FAM171A1: variants seen among roughly 807,000 people sequenced by gnomAD.
The protein encoded by FAM171A1 is protein FAM171A1.
FAM171A1 carries 23 observed loss-of-function variants against 74.9 expected under a neutral mutation model. The observed-to-expected ratio is 0.31, with a 90% CI of 0.22 to 0.44. The LOEUF is 0.44. Ranked by LOEUF, FAM171A1 falls within the 20% of genes least tolerant of loss-of-function variation. The pLI, the probability that FAM171A1 is intolerant of heterozygous loss-of-function variation, is 1.00. For synonymous variants in FAM171A1, 527 were observed against 505.7 expected (o/e 1.04, Z -0.57); for missense variants, 1,162 against 1,159.2 (o/e 1.00, Z -0.03).
chr10:15,214,309 A>G lies in FAM171A1; in HGVS notation c.1279T>C (p.Ser427Pro), dbSNP rs148056144. 123 of 1,612,894 alleles carry G rather than the reference A, an allele frequency of 7.6e-5. No homozygotes were observed. Among genetic ancestry groups the G allele is most frequent in the Non-Finnish European group, 1.0e-4 (121 of 1,179,612 alleles). Residue 427 changes from serine (S) to proline (P), a missense_variant, in exon 8 of 8, where the codon TCC becomes CCC. By Grantham distance (74) the Ser-to-Pro change is moderately conservative. Coordinates refer to ENST00000378116, the MANE Select transcript of FAM171A1 (RefSeq NM_001010924.2). ...TTGCAAGAGAGGAGCTCCTCCCGGG[A>G]GCTAAATTCCTGGGAGGTGCTGTAG... is the stretch of plus-strand genomic sequence containing the variant. ...LSYSTSQEFSSREELLSCKEE... is the reference protein window; with the variant it reads ...LSYSTSQEFSPREELLSCKEE...
At chr10:15,271,180 A>G (rs1048857927) in intron 3 of FAM171A1, among the ~76,000 whole-genome samples, 3 of 152,218 alleles carry the variant, frequency 2.0e-5, no homozygotes, top group African/African-American at 7.2e-5. Flanking sequence ...CAGCGTAGAG[A>G]AGACCTTAAA....
intron 5 of FAM171A1, among the ~76,000 whole-genome samples, chr10:15,224,690 C>T (rs1041453486): frequency 2.0e-5 from 3 of 152,280 alleles, no homozygotes; most frequent in South Asian, 4.2e-4. Context: ...CTCTTGCCTG[C>T]CACCATGTAA....
chr10:15,292,657 A>G (rs1328504697), intron 1 of FAM171A1, among the ~76,000 whole-genome samples: 3 of 151,882 alleles, frequency 2.0e-5, no homozygotes, highest in African/African-American at 4.8e-5. Flanking sequence ...CTAACTTTTT[A>G]TATTTTTAGC....
rs75497375 is a variant in FAM171A1 at position 15,260,489 on chromosome 10, G to A, written c.419-5610C>T. On this transcript the variant is annotated intron_variant, in intron 3 of 7. Coordinates refer to ENST00000378116, the MANE Select transcript of FAM171A1 (RefSeq NM_001010924.2). The stretch of plus-strand genomic sequence containing the variant: ...TCATAATATGGCTGTTGTGATGTTG[G>A]TTCAGAACACATATGGATGGTGTCC... Among the ~76,000 whole-genome samples, 382 of 152,200 alleles carry A rather than the reference G, an allele frequency of 2.5e-3. 3 individuals are homozygous for A. The highest frequency in any genetic ancestry group is 8.9e-3 in the African/African-American group (369 of 41,520).
intron 3 of FAM171A1, among the ~76,000 whole-genome samples, chr10:15,261,477 C>T (rs1834656172): frequency 6.6e-6 from 1 of 152,148 alleles, no homozygotes; most frequent in Non-Finnish European, 1.5e-5. Flanking sequence ...CTCCCTAAAA[C>T]ATCAATAACA....
intron 1 of FAM171A1, among the ~76,000 whole-genome samples, chr10:15,370,532 C>A (rs1483774348): frequency 6.6e-6 from 1 of 152,046 alleles, no homozygotes; most frequent in East Asian, 1.9e-4. Flanking sequence ...ACTTCCCAGA[C>A]CCGAGCCCGG....
chr10:15,368,838 T>A (rs182226620), intron 1 of FAM171A1, among the ~76,000 whole-genome samples: 2 of 152,292 alleles, frequency 1.3e-5, no homozygotes, highest in East Asian at 3.9e-4. Context: ...AAGAACTCAG[T>A]GAGTTGGGAC....
At chr10:15,266,318 T>G (rs1196095994) in intron 3 of FAM171A1, among the ~76,000 whole-genome samples, 1 of 152,078 alleles carries the variant, frequency 6.6e-6, no homozygotes, top group Admixed American at 6.6e-5. Context: ...CCAAGCTGGG[T>G]GCCCACTCCA....
At chr10:15,270,317 G>A (rs1188564896) in intron 3 of FAM171A1, among the ~76,000 whole-genome samples, 1 of 152,218 alleles carries the variant, frequency 6.6e-6, no homozygotes, top group Admixed American at 6.5e-5. Flanking sequence ...CAAGGTGGTA[G>A]CAAGGCTGGG....
In FAM171A1 at chr10:15,212,853, G is replaced by A. The variant is rs1833908506; in HGVS notation, c.*62C>T. The A allele has an allele frequency of 6.3e-7, 1 of 1,590,716 alleles. No homozygotes were observed. The highest frequency in any genetic ancestry group is 8.5e-7 in the Non-Finnish European group (1 of 1,170,706). On this transcript the variant is annotated 3_prime_UTR_variant, in exon 8 of 8. Coordinates refer to ENST00000378116, the MANE Select transcript of FAM171A1 (RefSeq NM_001010924.2). ...CCGTTTCCTCCACGAACGGGTACGC[G>A]CTTCCATGAGAAAGGATATTTGGCA...
chr10:15,366,899 G>A (rs1373763150), intron 1 of FAM171A1, among the ~76,000 whole-genome samples: 1 of 152,142 alleles, frequency 6.6e-6, no homozygotes, highest in Non-Finnish European at 1.5e-5. Context: ...ATAAAGAATT[G>A]ATTAAAACTG....
chr10:15,274,188 C>G (rs892638581), intron 3 of FAM171A1, among the ~76,000 whole-genome samples: 1 of 152,216 alleles, frequency 6.6e-6, no homozygotes, highest in African/African-American at 2.4e-5. Flanking sequence ...TCAGTAAAGT[C>G]TCAGGACACA....
chr10:15,356,304 T>C (rs907320495), intron 1 of FAM171A1, among the ~76,000 whole-genome samples: 2 of 151,730 alleles, frequency 1.3e-5, no homozygotes, highest in Non-Finnish European at 2.9e-5. Context: ...AACAATACCT[T>C]ATGTTTATGA....
intron 1 of FAM171A1, among the ~76,000 whole-genome samples, chr10:15,346,108 T>A (rs1835814803): frequency 6.6e-6 from 1 of 152,018 alleles, no homozygotes; most frequent in Non-Finnish European, 1.5e-5. Context: ...CACAGGTATT[T>A]TTTGTTTGTT....
intron 1 of FAM171A1, among the ~76,000 whole-genome samples, chr10:15,331,327 C>T (rs1054430981): frequency 1.2e-4 from 18 of 152,152 alleles, no homozygotes; most frequent in Admixed American, 3.9e-4. Context: ...TCCTCAAAGT[C>T]ACAGGACTCA....
At position 15,371,169 on chromosome 10, in the gene FAM171A1, C is replaced by T. The variant is rs1836142736; in HGVS notation, c.-117G>A. 1 of 246,698 alleles carries T rather than the reference C, an allele frequency of 4.1e-6. No individual in the cohort carries two copies. The highest frequency in any genetic ancestry group is 2.4e-5 in the African/African-American group (1 of 42,352). 15.3% of individuals were successfully genotyped at this position (246,698 alleles called of 1,614,324 possible). On this transcript the variant is annotated 5_prime_UTR_variant, in exon 1 of 8. Transcript: ENST00000378116. ...TGTCGCTGGCTCCGCGCGCCGGGCC[C>T]GCCGCCCGATTGGCCCGGCCCCGCC...
In FAM171A1 at chr10:15,370,963, T is replaced by C; in HGVS notation, c.90A>G (p.Gly30=). Residue 30 remains glycine, a synonymous_variant, in exon 1 of 8, where the codon GGA becomes GGG. Coordinates refer to ENST00000378116, the MANE Select transcript of FAM171A1 (RefSeq NM_001010924.2). ...VTKTLREPGA[G]AQEVTLKVHI... is the part of the protein sequence containing the mutation. ...CCGCCGCCGCCCACTGACCTTGGGC[T>C]CCGGCGCCGGGCTCCCGCAGCGTCT... 1 of 1,169,998 alleles carries C rather than the reference T, an allele frequency of 8.5e-7. No individual in the cohort carries two copies. Among genetic ancestry groups the C allele is most frequent in the South Asian group, 1.6e-5 (1 of 64,142 alleles). 72.5% of individuals were successfully genotyped at this position (1,169,998 alleles called of 1,614,324 possible). A position where few individuals can be genotyped will look rare whatever the true frequency, so the allele number is the denominator to read the frequency against.
In FAM171A1 at chr10:15,212,622, G is replaced by A. The variant is rs1833904048; in HGVS notation, c.*293C>T. 4.5e-6 allele frequency: 2 copies of A among 441,364 alleles called. No individual in the cohort carries two copies. Among genetic ancestry groups the A allele is most frequent in the East Asian group, 4.6e-5 (1 of 21,672 alleles). The allele number at this position is 441,364 out of a possible 1,614,324, so 27.3% of individuals were successfully genotyped here. ...GATCGTTAGAGCATAGCGACATCAC[G>A]TGCGGTTTCTTAATGTCCCTGGTGG... is the stretch of plus-strand genomic sequence containing the variant. On this transcript the variant is annotated 3_prime_UTR_variant, in exon 8 of 8. Coordinates refer to ENST00000378116, the MANE Select transcript of FAM171A1 (RefSeq NM_001010924.2).
In FAM171A1 at chr10:15,213,836, CG is replaced by C; in HGVS notation, c.1751del (p.Pro584ArgfsTer5). Reference sequence around the variant, plus strand: ...CCCCGGGGAGTTTCATATAATGAGCCGGGATGACCAAGGCAGGCAGTACTTT... The same window carrying C: ...CCCCGGGGAGTTTCATATAATGAGCCGGATGACCAAGGCAGGCAGTACTTT... Reference protein sequence around the residue: ...YRKVLPALVIPAHYMKLPGDH... With the variant: ...YRKVLPALVIXAHYMKLPGDH... On this transcript the variant is annotated frameshift_variant, in exon 8 of 8. Transcript: ENST00000378116. LOFTEE classifies it high-confidence loss of function. The surrounding 1 kb of genome is among the most constrained non-coding windows in gnomAD (Gnocchi z 6.8). The C allele has an allele frequency of 6.2e-7, 1 of 1,614,064 alleles. No individual in the cohort carries two copies. The highest frequency in any genetic ancestry group is 8.5e-7 in the Non-Finnish European group (1 of 1,180,012).
Sources: allele counts gnomAD v4.1 joint callset (sites outside exome capture counted in the v4.1 genomes callset), GRCh38; gene constraint gnomAD v4.1.1; non-coding constraint Gnocchi (gnomAD v3.1); transcripts MANE v1.5; gene names NCBI Gene and HGNC (gene_info 2026-07-23, HGNC 2026-07-21).